The following PRAG1 variants were observed in gnomAD, a reference collection of about 807,000 sequenced individuals.
The protein encoded by PRAG1 is inactive tyrosine-protein kinase PRAG1.
PRAG1 carries 110 observed loss-of-function variants against 95.6 expected under a neutral mutation model. The ratio of observed to expected loss-of-function variants is 1.15; its 90% CI spans 0.99 to 1.35. The LOEUF (loss-of-function observed/expected upper bound fraction) is 1.35. PRAG1 is among the 40% of genes most tolerant of loss of function. PRAG1 has a pLI of 0.00. For synonymous variants in PRAG1, 1,052 were observed against 819.4 expected (o/e 1.28, Z -4.85); for missense variants, 2,554 against 1,864.7 (o/e 1.37, Z -6.81).
At chr8:8,374,676 G>C in intron 3 of PRAG1, 1 of 985,334 alleles carries the variant, frequency 1.0e-6, no homozygotes, top group Non-Finnish European at 1.2e-6. Context: ...TCATTCATTC[G>C]GGGACTACAC....
chr8:8,329,440 G>A (rs907898996), intron 4 of PRAG1, among the ~76,000 whole-genome samples: 3 of 151,974 alleles, frequency 2.0e-5, no homozygotes, highest in Non-Finnish European at 4.4e-5. Context: ...GTGTACTTAG[G>A]ATGTGTGCCC....
chr8:8,328,457 G>C lies in PRAG1; in HGVS notation c.2325C>G (p.Pro775=), dbSNP rs548800292. 4.4e-5 allele frequency: 71 copies of C among 1,613,302 alleles called. 1 individual carries two copies. In the South Asian group the frequency reaches 7.5e-4, roughly 17 times the overall value. ...SDSRTCSDGG[P]SSELAHSPTN... is the part of the protein sequence containing the mutation. ...TGGGCGAGTGAGCCAGCTCAGACGA[G>C]GGACCTGAAGAGGAGAGACAGAAAC... Residue 775 remains proline (P), a synonymous_variant, in exon 5 of 6, where the codon CCC becomes CCG. Transcript: ENST00000615670.
Position 8,317,875 on chromosome 8 carries a change from G to C in PRAG1, c.*279C>G, listed in dbSNP as rs1036064430. 2 of 246,148 alleles carry C rather than the reference G, an allele frequency of 8.1e-6. No individual in the cohort carries two copies. The highest frequency in any genetic ancestry group is 4.5e-5 in the African/African-American group (2 of 44,486). The allele number at this position is 246,148 out of a possible 1,614,324, so 15.2% of individuals were successfully genotyped here. A position where few individuals can be genotyped will look rare whatever the true frequency, so the allele number is the denominator to read the frequency against. On this transcript the variant is annotated 3_prime_UTR_variant, in exon 6 of 6. Coordinates refer to ENST00000615670, the MANE Select transcript of PRAG1 (RefSeq NM_001080826.3). The stretch of plus-strand genomic sequence containing the variant: ...CAGGCTGCATTCAGTTCACAGAACT[G>C]TCCTCAGGACGTTGCATGGAACTGG...
chr8:8,340,013 G>C (rs897033006), intron 3 of PRAG1, among the ~76,000 whole-genome samples: 1 of 152,182 alleles, frequency 6.6e-6, no homozygotes, highest in Non-Finnish European at 1.5e-5. Flanking sequence ...AATGTATAGA[G>C]ACATACAGAT....
chr8:8,373,396 G>A (rs2921009), intron 3 of PRAG1, among the ~76,000 whole-genome samples: 83,522 of 151,482 alleles, frequency 0.55, 24,075 homozygotes, highest in East Asian at 0.77. Flanking sequence ...AGTTTATTTT[G>A]AATAAAATAA....
At chr8:8,380,622 G>A (rs963828160) in intron 2 of PRAG1, among the ~76,000 whole-genome samples, 1 of 152,022 alleles carries the variant, frequency 6.6e-6, no homozygotes, top group Non-Finnish European at 1.5e-5. Context: ...TTGGAAGGCC[G>A]AGGTGGGCAG....
intron 1 of PRAG1, among the ~76,000 whole-genome samples, 194 bp from the exon 2 acceptor site, chr8:8,382,028 A>C (rs555304081): frequency 1.3e-5 from 2 of 152,322 alleles, no homozygotes; most frequent in South Asian, 4.1e-4. Context: ...GCCTTATCAG[A>C]AGCTGTAAAA....
rs374484377 is a variant in PRAG1 at position 8,381,493 on chromosome 8, G to T, written c.255C>A (p.Ala85=). The T allele has an allele frequency of 6.2e-7, 1 of 1,614,202 alleles. No homozygotes were observed. Among genetic ancestry groups the T allele is most frequent in the Admixed American group, 1.7e-5 (1 of 60,024 alleles). The change falls in exon 2 of 6, where the codon GCC becomes GCA. Residue 85 remains alanine (A), a synonymous_variant. Coordinates refer to ENST00000615670, the MANE Select transcript of PRAG1 (RefSeq NM_001080826.3). Reference sequence around the variant, plus strand: ...CGGAGCTCATCATGGTGGGCTTCACGGCAATTGTGGGCTTGGAGTAAGGTG... The same window carrying T: ...CGGAGCTCATCATGGTGGGCTTCACTGCAATTGTGGGCTTGGAGTAAGGTG... ...NSSPYSKPTI[A]VKPTMMSSEA...
chr8:8,355,209 G>A (rs1799645534), intron 3 of PRAG1, among the ~76,000 whole-genome samples: 1 of 152,072 alleles, frequency 6.6e-6, no homozygotes, highest in Admixed American at 6.6e-5. Flanking sequence ...TAAACAATGA[G>A]GTGAAAGATA....
chr8:8,327,514 G>C (rs1798669315), intron 5 of PRAG1, among the ~76,000 whole-genome samples, 196 bp downstream of exon 5: 1 of 152,190 alleles, frequency 6.6e-6, no homozygotes, highest in East Asian at 1.9e-4. Context: ...AGGCTGTAGT[G>C]AGCCAAGATT....
Position 8,376,608 on chromosome 8 carries a change from T to C in PRAG1, c.1801A>G (p.Thr601Ala). Residue 601 changes from threonine (T) to alanine (A), a missense_variant, in exon 3 of 6, where the codon ACC becomes GCC. By Grantham distance (58) the Thr-to-Ala change is moderately conservative (BLOSUM62 0). Transcript: ENST00000615670. ...GGGTCACTGATAGCGACACCGTTGG[T>C]CCGGCAGGAAGGAGCGGGGTCAGCA... ...GPADPAPSCR[T>A]NGVAISDPSR... The C allele has an allele frequency of 6.2e-7, 1 of 1,603,700 alleles. No homozygotes were observed. The highest frequency in any genetic ancestry group is 8.5e-7 in the Non-Finnish European group (1 of 1,174,122).
Position 8,318,995 on chromosome 8 carries a change from A to T in PRAG1, c.3380T>A (p.Leu1127Gln). Residue 1127 changes from leucine to glutamine, a missense_variant, in exon 6 of 6, where the codon CTG becomes CAG. Leu to Gln is a moderately radical substitution (Grantham distance 113). Transcript: ENST00000615670. The surrounding 1 kb of genome is among the most constrained non-coding windows in gnomAD (Gnocchi z 4.2). ...AYERRVCFLLLQLCNGLEHLK... is the reference protein window; with the variant it reads ...AYERRVCFLLQQLCNGLEHLK... Reference sequence around the variant, plus strand: ...GTGCTCCAGCCCGTTGCAGAGTTGCAGAAGCAGGAAGCACACGCGCCGCTC... The same window carrying T: ...GTGCTCCAGCCCGTTGCAGAGTTGCTGAAGCAGGAAGCACACGCGCCGCTC... The T allele has an allele frequency of 6.2e-7, 1 of 1,613,424 alleles. No homozygotes were observed. Among genetic ancestry groups the T allele is most frequent in the Non-Finnish European group, 8.5e-7 (1 of 1,179,792 alleles).
rs1396878918 is a variant in PRAG1 at position 8,318,241 on chromosome 8, C to A, written c.4134G>T (p.Glu1378Asp). The change falls in exon 6 of 6, where the codon GAG becomes GAT. Residue 1378 changes from glutamate (E) to aspartate (D), a missense_variant. By Grantham distance (45) the Glu-to-Asp change is conservative. Coordinates refer to ENST00000615670, the MANE Select transcript of PRAG1 (RefSeq NM_001080826.3). The surrounding 1 kb of genome is among the most constrained non-coding windows in gnomAD (Gnocchi z 4.2). The stretch of plus-strand genomic sequence containing the variant: ...ACTGGCAGCAAAGCCAGTCCTCCAG[C>A]TCCACGCCCCGCCTGCGATCCACCG... ...EKAVDRRRGVELEDWLCCQYL... is the reference protein window; with the variant it reads ...EKAVDRRRGVDLEDWLCCQYL... 1.9e-6 allele frequency: 3 copies of A among 1,614,198 alleles called. No homozygotes were observed. The highest frequency in any genetic ancestry group is 1.7e-6 in the Non-Finnish European group (2 of 1,180,024).
In PRAG1 at chr8:8,367,926, C is replaced by T. The variant is rs544895524; in HGVS notation, c.2162+8321G>A. ...AAAATGCTGGGATTACAGGCGTGAGCCATCACGCCTGGCCGTATATAGTGT... is the reference window on the plus strand; with the variant it reads ...AAAATGCTGGGATTACAGGCGTGAGTCATCACGCCTGGCCGTATATAGTGT... On this transcript the variant is annotated intron_variant, in intron 3 of 5. Coordinates refer to ENST00000615670, the MANE Select transcript of PRAG1 (RefSeq NM_001080826.3). Among the ~76,000 whole-genome samples the T allele has an allele frequency of 2.0e-3, 303 of 152,308 alleles. 4 individuals carry two copies. The highest frequency in any genetic ancestry group is 0.018 in the Admixed American group (272 of 15,304).
intron 3 of PRAG1, among the ~76,000 whole-genome samples, chr8:8,365,013 G>T (rs949556988): frequency 6.6e-6 from 1 of 152,094 alleles, no homozygotes; most frequent in Non-Finnish European, 1.5e-5. Flanking sequence ...TATTTTGAAA[G>T]ATTTGAAGAA....
intron 5 of PRAG1, among the ~76,000 whole-genome samples, chr8:8,325,777 G>C (rs542133341): frequency 1.3e-5 from 2 of 151,964 alleles, no homozygotes; most frequent in South Asian, 2.1e-4. Context: ...GGCGTGGTGA[G>C]GGGGCGGCGC....
At chr8:8,362,935 A>G (rs938850293) in intron 3 of PRAG1, among the ~76,000 whole-genome samples, 2 of 152,154 alleles carry the variant, frequency 1.3e-5, no homozygotes, top group Non-Finnish European at 1.5e-5. Context: ...TTATAGAAGC[A>G]ATAACATTTC....
At chr8:8,363,581 G>A (rs1285704244) in intron 3 of PRAG1, among the ~76,000 whole-genome samples, 1 of 152,192 alleles carries the variant, frequency 6.6e-6, no homozygotes, top group East Asian at 1.9e-4. Flanking sequence ...ACAGGAAGTT[G>A]TTTAAAGGTG....
chr8:8,385,153 G>A (rs775043205), intron 1 of PRAG1, among the ~76,000 whole-genome samples: 11 of 152,066 alleles, frequency 7.2e-5, no homozygotes, highest in Non-Finnish European at 1.5e-4. Context: ...ATTTTTTTCT[G>A]TATGTTACAG....
Sources: allele counts gnomAD v4.1 joint callset (sites outside exome capture counted in the v4.1 genomes callset), GRCh38; gene constraint gnomAD v4.1.1; non-coding constraint Gnocchi (gnomAD v3.1); transcripts MANE v1.5; gene names NCBI Gene and HGNC (gene_info 2026-07-23, HGNC 2026-07-21).